The following CCSER1 variants were observed in gnomAD, a reference collection of about 807,000 sequenced individuals.
The protein encoded by CCSER1 is serine-rich coiled-coil domain-containing protein 1.
In CCSER1, 41 loss-of-function variants were observed where a neutral mutation model predicts 82.0. The ratio of observed to expected loss-of-function variants is 0.50; its 90% CI spans 0.39 to 0.65. The LOEUF (loss-of-function observed/expected upper bound fraction) is 0.65. Among genes scored for constraint, CCSER1 ranks in the 30% least tolerant of loss-of-function variants. CCSER1 has a pLI of 0.00. For missense variants in CCSER1, 1,119 were observed against 1,064.2 expected, an observed-to-expected ratio of 1.05 and a Z score of -0.72; for synonymous variants, 414 against 383.9, an observed-to-expected ratio of 1.08 and a Z score of -0.92.
At position 91,392,827 on chromosome 4, in the gene CCSER1, A is replaced by G. The variant is rs1411687030; in HGVS notation, c.2218-205745A>G. On this transcript the variant is annotated intron_variant, in intron 10 of 10. Coordinates refer to ENST00000509176, the MANE Select transcript of CCSER1 (RefSeq NM_001145065.2). ...AAAGGGGGTTTTCCACATTTTTCTG[A>G]TCTACTTCAAGGCAGAATTTGAATA... 4.6e-5 allele frequency among the ~76,000 whole-genome samples: 7 copies of G among 152,200 alleles called. No homozygotes were observed. The East Asian group carries it at 1.4e-3, about 29-fold the overall frequency.
intron 7 of CCSER1, among the ~76,000 whole-genome samples, chr4:90,758,747 T>A (rs1205612501): frequency 6.6e-6 from 1 of 152,114 alleles, no homozygotes; most frequent in African/African-American, 2.4e-5. Context: ...CAAAGAATGA[T>A]AAAATGAGAA....
At chr4:91,285,969 TTG>T (rs1297925975) in intron 10 of CCSER1, among the ~76,000 whole-genome samples, 3 of 151,728 alleles carry the variant, frequency 2.0e-5, no homozygotes, top group Admixed American at 6.6e-5. Flanking sequence ...CGTGTTTGTT[TTG>T]TTTTTTTTTT....
intron 10 of CCSER1, among the ~76,000 whole-genome samples, chr4:91,396,026 C>T (rs976707826): frequency 1.3e-5 from 2 of 152,022 alleles, no homozygotes; most frequent in African/African-American, 2.4e-5. Flanking sequence ...TCCCCATATC[C>T]GTGTATTCAT....
At chr4:91,200,654 G>A (rs976203892) in intron 10 of CCSER1, among the ~76,000 whole-genome samples, 5 of 151,930 alleles carry the variant, frequency 3.3e-5, no homozygotes, top group Non-Finnish European at 5.9e-5. Flanking sequence ...TCTATGATAC[G>A]TAATTTTACT....
chr4:90,260,124 TATTG>T (rs934267627), intron 1 of CCSER1, among the ~76,000 whole-genome samples: 56 of 152,200 alleles, frequency 3.7e-4, no homozygotes, highest in African/African-American at 1.4e-3. Context: ...TTTTTAAAAT[TATTG>T]ATTCAGTCTC....
intron 9 of CCSER1, among the ~76,000 whole-genome samples, chr4:91,082,761 G>C: frequency 6.6e-6 from 1 of 152,108 alleles, no homozygotes; most frequent in Non-Finnish European, 1.5e-5. Flanking sequence ...GATATGAACA[G>C]ACACTTCTCA....
At chr4:90,705,201 C>T (rs1344222137) in intron 6 of CCSER1, among the ~76,000 whole-genome samples, 1 of 152,162 alleles carries the variant, frequency 6.6e-6, no homozygotes, top group Non-Finnish European at 1.5e-5. Context: ...AGTCAGGACC[C>T]TCAGCTGCAG....
intron 5 of CCSER1, among the ~76,000 whole-genome samples, chr4:90,553,539 G>A (rs569956729): frequency 5.8e-4 from 88 of 152,218 alleles, no homozygotes; most frequent in African/African-American, 1.8e-3. Context: ...TATTAATCAG[G>A]TATCTCAAGG....
intron 10 of CCSER1, among the ~76,000 whole-genome samples, chr4:91,136,388 G>A (rs891030309): frequency 6.6e-6 from 1 of 152,114 alleles, no homozygotes; most frequent in African/African-American, 2.4e-5. Flanking sequence ...AGCAATTACA[G>A]TCATCTGTTT....
chr4:90,843,988 G>T (rs896652481), intron 8 of CCSER1, among the ~76,000 whole-genome samples: 4 of 151,960 alleles, frequency 2.6e-5, no homozygotes, highest in Non-Finnish European at 4.4e-5. Context: ...AATCTTTCAA[G>T]ATTTTGTGTA....
intron 7 of CCSER1, chr4:90,781,685 T>G (rs1216797716): frequency 2.1e-6 from 2 of 970,968 alleles, no homozygotes; most frequent in Non-Finnish European, 2.4e-6. Context: ...CTTTAGATAT[T>G]AGGGACAATA....
chr4:90,249,145 C>G (rs1425274255), intron 1 of CCSER1, among the ~76,000 whole-genome samples: 2 of 152,040 alleles, frequency 1.3e-5, no homozygotes, highest in Non-Finnish European at 2.9e-5. Context: ...TTCCACAGCC[C>G]TACTCGTATA....
chr4:90,958,493 A>AT (rs112640977), intron 9 of CCSER1, among the ~76,000 whole-genome samples: 13,366 of 145,742 alleles, frequency 0.092, 805 homozygotes, highest in South Asian at 0.18. Context: ...ATGGTAAAAC[A>AT]TTTTTTTTTT....
chr4:91,081,663 C>T lies in CCSER1; in HGVS notation c.2173-4287C>T, dbSNP rs542326761. On this transcript the variant is annotated intron_variant, in intron 9 of 10. Coordinates refer to ENST00000509176, the MANE Select transcript of CCSER1 (RefSeq NM_001145065.2). ...TGACATGATTGTATATTTAGAAAAC[C>T]CCATCATCTGAGCCCAAAATCTCCT... Among the ~76,000 whole-genome samples, 8 of 152,222 alleles carry T rather than the reference C, an allele frequency of 5.3e-5. No homozygotes were observed. In the South Asian group the frequency reaches 1.7e-3, roughly 32 times the overall value.
chr4:90,198,961 C>A (rs931718000), intron 1 of CCSER1, among the ~76,000 whole-genome samples: 9 of 151,968 alleles, frequency 5.9e-5, no homozygotes, highest in Non-Finnish European at 1.0e-4. Context: ...TTTTTTTCAA[C>A]AGACTCATCT....
chr4:90,918,619 T>G (rs1356724359), intron 8 of CCSER1, among the ~76,000 whole-genome samples: 1 of 145,244 alleles, frequency 6.9e-6, no homozygotes, highest in Non-Finnish European at 1.5e-5. Context: ...TATTATGTCT[T>G]TCATGCTCAT....
chr4:91,260,720 A>G (rs1741045032), intron 10 of CCSER1, among the ~76,000 whole-genome samples: 1 of 152,106 alleles, frequency 6.6e-6, no homozygotes, highest in Admixed American at 6.5e-5. Context: ...GCTAAATGTT[A>G]GAACCACTTA....
chr4:90,464,360 T>C (rs1216596330), intron 4 of CCSER1, among the ~76,000 whole-genome samples: 1 of 152,254 alleles, frequency 6.6e-6, no homozygotes. Context: ...TTAAAGTCCC[T>C]ATTTGTATAA....
At chr4:91,487,777 G>A (rs937074930) in intron 10 of CCSER1, among the ~76,000 whole-genome samples, 1 of 151,820 alleles carries the variant, frequency 6.6e-6, no homozygotes, top group Non-Finnish European at 1.5e-5. Flanking sequence ...ATGTATGTCT[G>A]TTGACATTAT....
Sources: gnomAD v4.1 joint callset for allele counts (sites outside exome capture counted in the v4.1 genomes callset) on GRCh38, gnomAD v4.1.1 for gene constraint, MANE v1.5 for transcripts, NCBI Gene and HGNC (gene_info 2026-07-23, HGNC 2026-07-21) for gene names.